Variants in PDCD7 observed in about 807,000 individuals in gnomAD.
PDCD7 encodes the protein programmed cell death 7, also known as programmed cell death protein 7.
A neutral mutation model predicts 42.1 loss-of-function variants in PDCD7; 40 were observed. That is an observed-to-expected ratio of 0.95 (90% CI 0.74 to 1.24). The LOEUF (loss-of-function observed/expected upper bound fraction) is 1.24, where lower values mean the gene tolerates loss of function less well. Among genes scored for constraint, PDCD7 ranks in the 50% most tolerant of loss-of-function variants. The pLI is 0.00. For synonymous variants in PDCD7, 299 were observed against 303.3 expected (o/e 0.99, Z 0.15); for missense variants, 644 against 662.8 (o/e 0.97, Z 0.31).
In PDCD7 at chr15:65,118,605, T is replaced by C; in HGVS notation, c.*112A>G. ...AAAGCATAACTTCAGGGTAGGGGAA[T>C]GCCACATGGAATTTAGAAGTTGCAG... On this transcript the variant is annotated 3_prime_UTR_variant, in exon 5 of 5. Transcript: ENST00000204549. 6 of 1,119,314 alleles carry C rather than the reference T, an allele frequency of 5.4e-6. No individual in the cohort carries two copies. The highest frequency in any genetic ancestry group is 6.2e-6 in the Non-Finnish European group (5 of 806,660). The allele number at this position is 1,119,314 out of a possible 1,614,324, so 69.3% of individuals were successfully genotyped here. A position where few individuals can be genotyped will look rare whatever the true frequency, so the allele number is the denominator to read the frequency against.
chr15:65,127,293 T>C (rs2140583473), intron 2 of PDCD7, among the ~76,000 whole-genome samples: 1 of 151,958 alleles, frequency 6.6e-6, no homozygotes, highest in East Asian at 1.9e-4. Flanking sequence ...CCGTCTCTAC[T>C]AAAAATACAA....
chr15:65,129,256 G>C, intron 1 of PDCD7, 86 bp from the exon 2 acceptor site: 1 of 1,430,320 alleles, frequency 7.0e-7, no homozygotes, highest in Non-Finnish European at 9.6e-7. Flanking sequence ...GATTTTAAAG[G>C]ATCAGACAGT....
In PDCD7 at chr15:65,133,414, G is replaced by A. The variant is rs918502880; in HGVS notation, c.368C>T (p.Pro123Leu). 3.2e-5 allele frequency: 38 copies of A among 1,181,534 alleles called. No homozygotes were observed. Among genetic ancestry groups the A allele is most frequent in the Non-Finnish European group, 3.8e-5 (36 of 956,510 alleles). The allele number at this position is 1,181,534 out of a possible 1,614,324, so 73.2% of individuals were successfully genotyped here. ...GTCGGCCGGCGGCGGCGGCGCCTCAGGCCACCGCGGGCTCCAGGGCGGCCC... is the reference window on the plus strand; with the variant it reads ...GTCGGCCGGCGGCGGCGGCGCCTCAAGCCACCGCGGGCTCCAGGGCGGCCC... The part of the protein sequence containing the change: ...GPGPPWSPRW[P>L]EAPPPPADVL... Residue 123 changes from proline (P) to leucine (L), a missense_variant, in exon 1 of 5, where the codon CCT (proline) becomes CTT (leucine). Transcript: ENST00000204549.
intron 2 of PDCD7, among the ~76,000 whole-genome samples, chr15:65,122,428 T>C (rs2087462922): frequency 6.6e-6 from 1 of 152,182 alleles, no homozygotes; most frequent in South Asian, 2.1e-4. Context: ...TTTTATACTT[T>C]CTCACATTCT....
chr15:65,130,280 C>T (rs2140586142), intron 1 of PDCD7, among the ~76,000 whole-genome samples: 1 of 151,390 alleles, frequency 6.6e-6, no homozygotes, highest in East Asian at 2.0e-4. Context: ...CTTCAGCCTC[C>T]CAATTAGCTG....
Position 65,119,483 on chromosome 15 carries a change from T to G in PDCD7, c.1247-20A>C, listed in dbSNP as rs755001410. The stretch of plus-strand genomic sequence containing the variant: ...ACTCATCTGAAAGAGAAAAGCACAA[T>G]ACCACGTTATCATGCTTGATATCCA... On this transcript the variant is annotated intron_variant, in intron 3 of 4. Coordinates refer to ENST00000204549, the MANE Select transcript of PDCD7 (RefSeq NM_005707.2). 8 of 1,541,906 alleles carry G rather than the reference T, an allele frequency of 5.2e-6. No individual in the cohort carries two copies. Among genetic ancestry groups the G allele is most frequent in the Non-Finnish European group, 7.2e-6 (8 of 1,114,472 alleles).
Position 65,133,309 on chromosome 15 carries a change from C to T in PDCD7, c.473G>A (p.Gly158Asp). The T allele has an allele frequency of 3.1e-6, 4 of 1,296,376 alleles. No individual in the cohort carries two copies. Among genetic ancestry groups the T allele is most frequent in the South Asian group, 4.9e-5 (2 of 41,202 alleles). 80.3% of individuals were successfully genotyped at this position (1,296,376 alleles called of 1,614,324 possible). ...EAVFGTPRRA[G>D]CPVPQRTHAG... ...ATGCGTGCGCTGGGGCACCGGACAG[C>T]CTGCCCGCCGCGGGGTCCCGAACAC... The change falls in exon 1 of 5, where the codon GGC becomes GAC. Residue 158 changes from glycine (G) to aspartate (D), a missense_variant. Transcript: ENST00000204549.
At position 65,133,591 on chromosome 15, in the gene PDCD7, G is replaced by A. The variant is rs1349998873; in HGVS notation, c.191C>T (p.Pro64Leu). ...GCGGGAGGCCTCCGCGGAGGCTCGG[G>A]GCTGCAGAGCCAGCGGAGGCTGAAG... The part of the protein sequence containing the change: ...PFLQPPLALQ[P>L]RASAEASRGG... The change falls in exon 1 of 5, where the codon CCC becomes CTC. Residue 64 changes from proline to leucine, a missense_variant. Pro to Leu is a moderately conservative substitution (Grantham distance 98). Coordinates refer to ENST00000204549, the MANE Select transcript of PDCD7 (RefSeq NM_005707.2). The A allele has an allele frequency of 2.4e-6, 3 of 1,235,304 alleles. No homozygotes were observed. Among genetic ancestry groups the A allele is most frequent in the African/African-American group, 3.1e-5 (2 of 64,372 alleles). The allele number at this position is 1,235,304 out of a possible 1,614,324, so 76.5% of individuals were successfully genotyped here.
chr15:65,133,142 G>C lies in PDCD7; in HGVS notation c.640C>G (p.Pro214Ala), dbSNP rs764725601. 1.3e-6 allele frequency: 2 copies of C among 1,533,560 alleles called. No homozygotes were observed. Among genetic ancestry groups the C allele is most frequent in the Admixed American group, 2.0e-5 (1 of 51,062 alleles). 95.0% of individuals were successfully genotyped at this position (1,533,560 alleles called of 1,614,324 possible). A position where few individuals can be genotyped will look rare whatever the true frequency, so the allele number is the denominator to read the frequency against. Residue 214 changes from proline to alanine, a missense_variant, in exon 1 of 5, where the codon CCG becomes GCG. Transcript: ENST00000204549. ...CGCTCGGCCAGTTCCGCGCGCAGCG[G>C]CGCGGTCTGGGAGTACAGCAGGACC... is the stretch of plus-strand genomic sequence containing the variant. Reference protein sequence around the residue: ...AWVLLYSQTAPLRAELAERLQ... With the variant: ...AWVLLYSQTAALRAELAERLQ...
At chr15:65,125,887 A>T (rs2087491794) in intron 2 of PDCD7, among the ~76,000 whole-genome samples, 1 of 152,206 alleles carries the variant, frequency 6.6e-6, no homozygotes, top group Admixed American at 6.5e-5. Context: ...GAGGCTTCAC[A>T]ATCATGGCGG....
intron 1 of PDCD7, among the ~76,000 whole-genome samples, chr15:65,132,067 CATACAT>C (rs2140587768): frequency 1.3e-5 from 2 of 148,202 alleles, no homozygotes; most frequent in South Asian, 4.3e-4. Flanking sequence ...CACACATACA[CATACAT>C]ACATATATAT....
chr15:65,120,298 C>A (rs1463093345), intron 2 of PDCD7, among the ~76,000 whole-genome samples: 1 of 152,034 alleles, frequency 6.6e-6, no homozygotes, highest in African/African-American at 2.4e-5. Context: ...ACCACAGGCA[C>A]GTGCCACCAC....
intron 1 of PDCD7, among the ~76,000 whole-genome samples, chr15:65,132,074 A>G (rs2087543809): frequency 6.8e-6 from 1 of 146,122 alleles, no homozygotes; most frequent in Non-Finnish European, 1.5e-5. Flanking sequence ...ACACATACAT[A>G]CATATATATA....
intron 1 of PDCD7, among the ~76,000 whole-genome samples, chr15:65,132,251 AT>A (rs2087546186): frequency 6.6e-6 from 1 of 151,384 alleles, no homozygotes; most frequent in South Asian, 2.1e-4. Context: ...TAATTAGAGT[AT>A]ATATATTCCT....
At chr15:65,127,255 A>AC (rs1050925211) in intron 2 of PDCD7, among the ~76,000 whole-genome samples, 1 of 152,070 alleles carries the variant, frequency 6.6e-6, no homozygotes, top group Non-Finnish European at 1.5e-5. Flanking sequence ...CAGGAGATCG[A>AC]GACCATCCTG....
intron 2 of PDCD7, 114 bp from the exon 3 acceptor site, chr15:65,120,068 AC>A (rs2087440953): frequency 2.7e-6 from 3 of 1,125,384 alleles, no homozygotes; most frequent in Admixed American, 2.4e-5. Flanking sequence ...GCAACTTCAA[AC>A]TCCTGGGCTC....
intron 2 of PDCD7, among the ~76,000 whole-genome samples, chr15:65,122,026 C>T (rs1333020621): frequency 1.3e-5 from 2 of 152,048 alleles, no homozygotes; most frequent in East Asian, 1.9e-4. Flanking sequence ...ATATGTTACC[C>T]AAGCATTTTA....
At chr15:65,131,943 A>G (rs2087542626) in intron 1 of PDCD7, among the ~76,000 whole-genome samples, 1 of 151,906 alleles carries the variant, frequency 6.6e-6, no homozygotes, top group Admixed American at 6.6e-5. Flanking sequence ...TAACCTGTAA[A>G]ATTAGCATAA....
chr15:65,131,508 G>A (rs529591249), intron 1 of PDCD7, among the ~76,000 whole-genome samples: 1 of 152,272 alleles, frequency 6.6e-6, no homozygotes, highest in East Asian at 1.9e-4. Context: ...CAGCACTTTG[G>A]CAGGCTGAGG....
Sources: gnomAD v4.1 joint callset for allele counts (sites outside exome capture counted in the v4.1 genomes callset) on GRCh38, gnomAD v4.1.1 for gene constraint, MANE v1.5 for transcripts, NCBI Gene and HGNC (gene_info 2026-07-23, HGNC 2026-07-21) for gene names.